Variants in DIP2C observed in about 807,000 individuals in gnomAD.
DIP2C encodes the protein disco-interacting protein 2 homolog C.
In DIP2C, 33 loss-of-function variants were observed where a neutral mutation model predicts 192.4. The observed-to-expected ratio is 0.17, with a 90% confidence interval of 0.13 to 0.23. DIP2C has a LOEUF of 0.23. Ranked by LOEUF, DIP2C falls within the 10% of genes least tolerant of loss-of-function variation. The pLI is 1.00. For missense variants in DIP2C, 1,537 were observed against 2,110.1 expected (o/e 0.73, Z 5.32); for synonymous variants, 979 against 864.1 (o/e 1.13, Z -2.33).
chr10:566,534 G>A (rs993936469), intron 1 of DIP2C, among the ~76,000 whole-genome samples: 1 of 152,256 alleles, frequency 6.6e-6, no homozygotes, highest in African/African-American at 2.4e-5. Context: ...TACACGTTCA[G>A]ATAGCAACAC....
chr10:369,412 G>T (rs536457772), intron 18 of DIP2C, 82 bp downstream of exon 18: 1 of 1,457,118 alleles, frequency 6.9e-7, no homozygotes, highest in Non-Finnish European at 9.1e-7. Flanking sequence ...ACGCGGGAAC[G>T]TGGGAACGCA....
chr10:462,093 G>A (rs1046418421), intron 3 of DIP2C, among the ~76,000 whole-genome samples: 4 of 152,164 alleles, frequency 2.6e-5, no homozygotes, highest in East Asian at 1.9e-4. Flanking sequence ...ATCTAAAATC[G>A]ATACCCTAAC....
intron 34 of DIP2C, among the ~76,000 whole-genome samples, chr10:284,514 G>C (rs1954996932): frequency 6.6e-6 from 1 of 152,190 alleles, no homozygotes; most frequent in African/African-American, 2.4e-5. Context: ...GACAAATACT[G>C]CACCACCTCA....
At position 399,210 on chromosome 10, in the gene DIP2C, C is replaced by T; in HGVS notation, c.1159G>A (p.Val387Met). 2 of 1,614,036 alleles carry T rather than the reference C, an allele frequency of 1.2e-6. No individual in the cohort carries two copies. The highest frequency in any genetic ancestry group is 1.7e-6 in the Non-Finnish European group (2 of 1,180,024). The change falls in exon 10 of 37, where the codon GTG becomes ATG. Residue 387 changes from valine (V) to methionine (M), a missense_variant. This residue lies in a region of DIP2C where 473 missense variants were observed against 539.6 expected (regional missense o/e 0.88). Transcript: ENST00000280886. Reference sequence around the variant, plus strand: ...GCAGCCGGATCATTGTTGGGGAACACCAGTGCCACCTGTGGGACAGGCCAG... The same window carrying T: ...GCAGCCGGATCATTGTTGGGGAACATCAGTGCCACCTGTGGGACAGGCCAG... ...MVRPGDRVAL[V>M]FPNNDPAAFM...
rs1169348461 is a variant in DIP2C, at chr10:559,541, A to G, written c.86-73011T>C. On this transcript the variant is annotated intron_variant, in intron 1 of 36. Transcript: ENST00000280886. ...TCAACAACTATATATGGCTGCTGACAGCACCTCAGAGCAGATGCAACACTG... is the reference window on the plus strand; with the variant it reads ...TCAACAACTATATATGGCTGCTGACGGCACCTCAGAGCAGATGCAACACTG... 3.3e-5 allele frequency among the ~76,000 whole-genome samples: 5 copies of G among 152,214 alleles called. No homozygotes were observed. In the East Asian group the frequency reaches 9.6e-4, roughly 29 times the overall value.
chr10:439,667 T>C (rs1241614335), intron 4 of DIP2C, among the ~76,000 whole-genome samples: 1 of 152,164 alleles, frequency 6.6e-6, no homozygotes, highest in Non-Finnish European at 1.5e-5. Context: ...ATGCACTCTT[T>C]AAGTTCTGTC....
At chr10:582,895 A>T (rs1850757700) in intron 1 of DIP2C, among the ~76,000 whole-genome samples, 1 of 152,222 alleles carries the variant, frequency 6.6e-6, no homozygotes, top group Non-Finnish European at 1.5e-5. Context: ...AAAACAATAG[A>T]AGGAAGGTAC....
chr10:661,944 T>C, intron 1 of DIP2C: 2 of 689,522 alleles, frequency 2.9e-6, no homozygotes, highest in Non-Finnish European at 2.6e-6. Flanking sequence ...GCACTCCCTC[T>C]TCCCCTCCTG....
At chr10:442,161 C>G (rs910344875) in intron 3 of DIP2C, among the ~76,000 whole-genome samples, 4 of 152,138 alleles carry the variant, frequency 2.6e-5, no homozygotes, top group African/African-American at 9.7e-5. Flanking sequence ...TGAGTGAAGA[C>G]GGGTTGGGGG....
intron 1 of DIP2C, among the ~76,000 whole-genome samples, chr10:585,252 C>T (rs970080558): frequency 9.2e-5 from 14 of 152,344 alleles, no homozygotes; most frequent in Admixed American, 9.1e-4. Flanking sequence ...TCCCACGCCA[C>T]CCTGTTTTTC....
chr10:650,504 C>G (rs1367405695), intron 1 of DIP2C: 1 of 695,176 alleles, frequency 1.4e-6, no homozygotes, highest in African/African-American at 1.7e-5. Flanking sequence ...GTTCCCTATA[C>G]TCTTCCCCTG....
Position 400,956 on chromosome 10 carries a change from T to C in DIP2C, c.1150-1737A>G, listed in dbSNP as rs1328821355. 4.1e-5 allele frequency among the ~76,000 whole-genome samples: 6 copies of C among 145,646 alleles called. 1 individual carries two copies. The East Asian group carries it at 1.3e-3, about 31-fold the overall frequency. On this transcript the variant is annotated intron_variant, in intron 9 of 36. Coordinates refer to ENST00000280886, the MANE Select transcript of DIP2C (RefSeq NM_014974.3). ...TATGATTTTACACGTGTGGCAGCAT[T>C]AGCATTACTCTTCCTTATGGACAAG...
intron 1 of DIP2C, among the ~76,000 whole-genome samples, chr10:591,040 C>T (rs1851370894): frequency 6.6e-6 from 1 of 152,246 alleles, no homozygotes; most frequent in Admixed American, 6.5e-5. Context: ...TGCAAACACA[C>T]ATCCAATTCA....
chr10:311,331 T>C (rs1956555959), intron 31 of DIP2C, among the ~76,000 whole-genome samples: 1 of 152,228 alleles, frequency 6.6e-6, no homozygotes, highest in African/African-American at 2.4e-5. Flanking sequence ...AATGAACCAC[T>C]GACCGCGCAC....
chr10:357,617 A>T (rs1469774468), intron 23 of DIP2C, among the ~76,000 whole-genome samples: 1 of 152,194 alleles, frequency 6.6e-6, no homozygotes, highest in Non-Finnish European at 1.5e-5. Flanking sequence ...ATAAAGGAAG[A>T]TCTGCAGTGG....
At position 348,730 on chromosome 10, in the gene DIP2C, G is replaced by A. The variant is rs753915089; in HGVS notation, c.3142C>T (p.Leu1048=). The A allele has an allele frequency of 6.8e-6, 11 of 1,613,720 alleles. No homozygotes were observed. Among genetic ancestry groups the A allele is most frequent in the Non-Finnish European group, 9.3e-6 (11 of 1,179,908 alleles). The stretch of plus-strand genomic sequence containing the variant: ...GTTATTGGCACACAGCCTGCGTACA[G>A]GCAACCATAAAACGCTGCTATCAGG... ...IDLIAAFYGC[L]YAGCVPITVR... Residue 1048 remains leucine, a synonymous_variant, in exon 26 of 37, where the codon CTG becomes TTG. Transcript: ENST00000280886.
intron 31 of DIP2C, among the ~76,000 whole-genome samples, chr10:315,595 G>A (rs1410125801): frequency 1.3e-5 from 2 of 152,162 alleles, no homozygotes; most frequent in African/African-American, 4.8e-5. Flanking sequence ...TTTTATTTCT[G>A]CAGGGACTTT....
chr10:296,528 C>T (rs1955761371), intron 32 of DIP2C, among the ~76,000 whole-genome samples: 1 of 152,088 alleles, frequency 6.6e-6, no homozygotes, highest in African/African-American at 2.4e-5. Flanking sequence ...CACAGCCATC[C>T]CATTACTGGG....
intron 2 of DIP2C, among the ~76,000 whole-genome samples, chr10:485,366 G>A (rs1843938106): frequency 6.6e-6 from 1 of 152,176 alleles, no homozygotes; most frequent in African/African-American, 2.4e-5. Context: ...ACCCAGCACT[G>A]CCCTGAAGCC....
Sources: gnomAD v4.1 joint callset for allele counts (sites outside exome capture counted in the v4.1 genomes callset) on GRCh38, gnomAD v4.1.1 for gene constraint, gnomAD v4.1.1 regional missense constraint, MANE v1.5 for transcripts, NCBI Gene and HGNC (gene_info 2026-07-23, HGNC 2026-07-21) for gene names.